Variants in RALGPS1 observed in about 807,000 individuals in gnomAD.
RALGPS1 encodes Ral GEF with PH domain and SH3 binding motif 1.
Under a neutral mutation model 78.8 loss-of-function variants are expected in RALGPS1, and 19 were observed. That is an observed-to-expected ratio of 0.24 (90% CI 0.17 to 0.35). The LOEUF is 0.35. Among genes scored for constraint, RALGPS1 ranks in the 10% least tolerant of loss-of-function variants. The probability of loss-of-function intolerance (pLI) is 1.00; values close to 1 mark genes in which losing one functional copy is unlikely to be tolerated. For synonymous variants in RALGPS1, 228 were observed against 256.3 expected, an observed-to-expected ratio of 0.89 and a Z score of 1.06; for missense variants, 454 against 688.3, an observed-to-expected ratio of 0.66 and a Z score of 3.81.
chr9:126,922,740 C>T (rs1564256007), intron 1 of RALGPS1, among the ~76,000 whole-genome samples: 1 of 152,192 alleles, frequency 6.6e-6, no homozygotes, highest in African/African-American at 2.4e-5. Flanking sequence ...TCCCTCATGA[C>T]CTTTCTCTAG....
chr9:127,029,254 C>CCTTA (rs753995633), intron 4 of RALGPS1, among the ~76,000 whole-genome samples: 1 of 152,186 alleles, frequency 6.6e-6, no homozygotes, highest in Non-Finnish European at 1.5e-5. Flanking sequence ...GCCCTGAATG[C>CCTTA]CTTACTCCCC....
intron 8 of RALGPS1, among the ~76,000 whole-genome samples, chr9:127,084,081 TTTAA>T (rs899454452): frequency 7.9e-4 from 121 of 152,238 alleles, no homozygotes; most frequent in African/African-American, 2.7e-3. Flanking sequence ...AAGCTAATTG[TTTAA>T]TTAATTAATT....
At chr9:127,020,429 A>G (rs1282528119) in intron 4 of RALGPS1, among the ~76,000 whole-genome samples, 1 of 152,234 alleles carries the variant, frequency 6.6e-6, no homozygotes, top group Non-Finnish European at 1.5e-5. Flanking sequence ...GCTGAGACAC[A>G]TGAATTGCAA....
chr9:127,199,813 T>C (rs1197177726), intron 14 of RALGPS1, among the ~76,000 whole-genome samples: 1 of 151,858 alleles, frequency 6.6e-6, no homozygotes, highest in Admixed American at 6.6e-5. Flanking sequence ...CGACTCAGGG[T>C]TTGAGAGGAG....
At chr9:127,200,884 G>A (rs1362693290) in intron 14 of RALGPS1, among the ~76,000 whole-genome samples, 2 of 152,256 alleles carry the variant, frequency 1.3e-5, no homozygotes, top group Non-Finnish European at 2.9e-5. Context: ...ATCCTGAATA[G>A]CAGCTAGACC....
intron 14 of RALGPS1, among the ~76,000 whole-genome samples, chr9:127,200,083 C>G (rs1295504881): frequency 6.6e-6 from 1 of 152,200 alleles, no homozygotes; most frequent in Non-Finnish European, 1.5e-5. Context: ...GGTGTATACA[C>G]TCACACGTAC....
intron 8 of RALGPS1, among the ~76,000 whole-genome samples, chr9:127,125,625 C>A (rs975387951): frequency 1.3e-5 from 2 of 152,168 alleles, no homozygotes; most frequent in South Asian, 2.1e-4. Flanking sequence ...GACTTCTCCC[C>A]ACTCCCACCC....
chr9:127,059,600 C>G (rs1206854420), intron 7 of RALGPS1, among the ~76,000 whole-genome samples: 1 of 152,150 alleles, frequency 6.6e-6, no homozygotes, highest in Admixed American at 6.5e-5. Context: ...GATCCATTTG[C>G]TATCCCTTGG....
intron 8 of RALGPS1, among the ~76,000 whole-genome samples, chr9:127,093,387 C>T (rs886612946): frequency 3.3e-5 from 5 of 152,162 alleles, no homozygotes; most frequent in Admixed American, 6.5e-5. Context: ...CCCATGGAAA[C>T]CCCACTTGGG....
At chr9:126,960,205 C>CTCCT (rs1402016745) in intron 1 of RALGPS1, among the ~76,000 whole-genome samples, 3 of 58,958 alleles carry the variant, frequency 5.1e-5, no homozygotes, top group African/African-American at 1.6e-4. Flanking sequence ...CCTTCCCTCC[C>CTCCT]TCCCTCCCTC....
intron 8 of RALGPS1, chr9:127,093,944 C>T: frequency 6.2e-7 from 1 of 1,611,350 alleles, no homozygotes; most frequent in Non-Finnish European, 8.5e-7. Context: ...CACAGACATG[C>T]ATATACATCA....
intron 4 of RALGPS1, among the ~76,000 whole-genome samples, chr9:126,996,509 A>G (rs2042779437): frequency 1.3e-5 from 2 of 152,356 alleles, no homozygotes; most frequent in South Asian, 2.1e-4. Context: ...GAATAGACCA[A>G]TAACAGGCTC....
At chr9:126,964,233 C>T (rs1173737252) in intron 2 of RALGPS1, among the ~76,000 whole-genome samples, 1 of 151,962 alleles carries the variant, frequency 6.6e-6, no homozygotes, top group Non-Finnish European at 1.5e-5. Flanking sequence ...TGGCGGGTGC[C>T]TGTAATCCCA....
chr9:127,055,407 G>GGT (rs2048659695), intron 7 of RALGPS1, among the ~76,000 whole-genome samples: 1 of 152,156 alleles, frequency 6.6e-6, no homozygotes. Context: ...CTGTAGAGAT[G>GGT]GTGCCTTGCT....
At chr9:126,951,856 A>G (rs1456952593) in intron 1 of RALGPS1, among the ~76,000 whole-genome samples, 1 of 152,202 alleles carries the variant, frequency 6.6e-6, no homozygotes, top group South Asian at 2.1e-4. Context: ...AGGGTATTCA[A>G]TTAGGAAAAG....
chr9:127,174,821 T>C (rs1309788761), intron 11 of RALGPS1, 39 bp downstream of exon 11: 3 of 1,584,340 alleles, frequency 1.9e-6, no homozygotes, highest in Admixed American at 1.7e-5. Context: ...ACCCACTTAA[T>C]AGCCTAATTG....
chr9:126,975,543 G>C (rs2040525884), intron 3 of RALGPS1, among the ~76,000 whole-genome samples: 1 of 152,182 alleles, frequency 6.6e-6, no homozygotes, highest in Admixed American at 6.5e-5. Context: ...TGAGCTTTCA[G>C]GTCAAATCTC....
chr9:127,009,218 A>G (rs1447255956), intron 4 of RALGPS1, among the ~76,000 whole-genome samples: 1 of 152,146 alleles, frequency 6.6e-6, no homozygotes, highest in African/African-American at 2.4e-5. Flanking sequence ...TTTCTAACAT[A>G]CCCATTGGAT....
In RALGPS1 at chr9:127,035,588, G is replaced by T. The variant is rs190607534; in HGVS notation, c.300+1074G>T. ...GGATTCCCTTTGGGCCCTCTCTCCA[G>T]CTGGGCCTTCTCTCTCGGAAATGCT... On this transcript the variant is annotated intron_variant, in intron 5 of 18. Transcript: ENST00000259351. Among the ~76,000 whole-genome samples, 11 of 152,276 alleles carry T rather than the reference G, an allele frequency of 7.2e-5. No homozygotes were observed. The East Asian group carries it at 1.5e-3, about 21-fold the overall frequency.
Sources: allele counts gnomAD v4.1 joint callset (sites outside exome capture counted in the v4.1 genomes callset), GRCh38; gene constraint gnomAD v4.1.1; transcripts MANE v1.5; gene names NCBI Gene and HGNC (gene_info 2026-07-23, HGNC 2026-07-21).